MTOR: variants seen among roughly 807,000 people sequenced by gnomAD.
MTOR encodes mechanistic target of rapamycin kinase.
Under a neutral mutation model 319.8 loss-of-function variants are expected in MTOR, and 70 were observed. The observed-to-expected ratio is 0.22, with a 90% CI of 0.18 to 0.27. The LOEUF is 0.27. MTOR is among the 10% of genes least tolerant of loss of function. MTOR has a pLI of 1.00. For missense variants in MTOR, 1,890 were observed against 3,274.4 expected, an observed-to-expected ratio of 0.58 and a Z score of 10.32; for synonymous variants, 1,183 against 1,211.4, an observed-to-expected ratio of 0.98 and a Z score of 0.49.
At chr1:11,258,369 G>T in intron 3 of MTOR, 116 bp downstream of exon 3, 1 of 725,342 alleles carries the variant, frequency 1.4e-6, no homozygotes, top group Non-Finnish European at 2.3e-6. Context: ...AAAAGCCACG[G>T]GCTTCTTAAA....
intron 46 of MTOR, among the ~76,000 whole-genome samples, chr1:11,125,185 G>A (rs899552037): frequency 1.3e-5 from 2 of 152,144 alleles, no homozygotes; most frequent in African/African-American, 4.8e-5. Flanking sequence ...TGTGGGGGTG[G>A]GTGAGGGCTG....
intron 54 of MTOR, among the ~76,000 whole-genome samples, chr1:11,110,386 T>C (rs1390467827): frequency 6.6e-6 from 1 of 152,206 alleles, no homozygotes; most frequent in Non-Finnish European, 1.5e-5. Context: ...ACCTTCTGAA[T>C]GAAGGTAGTG....
intron 28 of MTOR, among the ~76,000 whole-genome samples, chr1:11,183,913 G>A (rs1571094926): frequency 6.6e-6 from 1 of 152,262 alleles, no homozygotes; most frequent in African/African-American, 2.4e-5. Context: ...TAAATCAAGT[G>A]TCTATATCAC....
chr1:11,237,821 G>T, intron 13 of MTOR, 22 bp downstream of exon 13: 11 of 1,613,352 alleles, frequency 6.8e-6, no homozygotes, highest in Non-Finnish European at 9.3e-6. Flanking sequence ...CTGCCTGTGG[G>T]TCTGGCCATC....
chr1:11,126,908 G>A (rs1434869788), intron 45 of MTOR, 102 bp downstream of exon 45: 1 of 1,576,250 alleles, frequency 6.3e-7, no homozygotes, highest in Non-Finnish European at 8.6e-7. Context: ...CAAAGCAGAA[G>A]TAAAACCAGA....
chr1:11,210,625 T>G (rs1219905792), intron 24 of MTOR, among the ~76,000 whole-genome samples, 189 bp downstream of exon 24: 1 of 152,166 alleles, frequency 6.6e-6, no homozygotes, highest in African/African-American at 2.4e-5. Context: ...TGTGTATGGC[T>G]GCTCTCAGGC....
At chr1:11,137,533 C>G (rs1225698557) in intron 36 of MTOR, among the ~76,000 whole-genome samples, 1 of 152,172 alleles carries the variant, frequency 6.6e-6, no homozygotes, top group African/African-American at 2.4e-5. Flanking sequence ...AATTTGTTTT[C>G]TCCATCCCCA....
intron 12 of MTOR, 136 bp downstream of exon 12, chr1:11,238,266 G>A (rs1017691606): frequency 2.2e-5 from 22 of 1,001,332 alleles, no homozygotes; most frequent in Middle Eastern, 3.1e-4. Flanking sequence ...TGCCTAACAC[G>A]CCTTGGCAGA....
chr1:11,222,812 C>T (rs954520063), intron 19 of MTOR, among the ~76,000 whole-genome samples: 22 of 151,918 alleles, frequency 1.4e-4, no homozygotes, highest in Non-Finnish European at 3.1e-4. Context: ...TTTGCAGTCC[C>T]TAATCAAATA....
intron 11 of MTOR, among the ~76,000 whole-genome samples, 159 bp downstream of exon 11, chr1:11,240,144 C>T (rs1274974396): frequency 1.3e-5 from 2 of 152,140 alleles, no homozygotes; most frequent in Non-Finnish European, 2.9e-5. Context: ...TAGGAATTAC[C>T]AATACGTGGA....
intron 1 of MTOR, among the ~76,000 whole-genome samples, chr1:11,259,849 G>A (rs1236857925): frequency 6.6e-6 from 1 of 152,118 alleles, no homozygotes; most frequent in Admixed American, 6.6e-5. Context: ...AGAATCCCTT[G>A]AACCTGGGAG....
intron 19 of MTOR, among the ~76,000 whole-genome samples, chr1:11,219,074 G>T (rs1646572596): frequency 6.6e-6 from 1 of 152,014 alleles, no homozygotes; most frequent in Non-Finnish European, 1.5e-5. Context: ...TATTAGCTGG[G>T]CATAGTGGCA....
chr1:11,140,555 G>C (rs1366386665), intron 34 of MTOR, among the ~76,000 whole-genome samples: 1 of 152,126 alleles, frequency 6.6e-6, no homozygotes, highest in Non-Finnish European at 1.5e-5. Flanking sequence ...CTGCCCTTAG[G>C]GGCGTCTCAG....
chr1:11,256,252 TAC>T (rs905406855), intron 4 of MTOR, 60 bp from the exon 5 acceptor site: 22 of 1,558,104 alleles, frequency 1.4e-5, no homozygotes, highest in Non-Finnish European at 1.4e-5. Flanking sequence ...CTCTCAGGAG[TAC>T]AGTCTCTTGT....
At chr1:11,231,940 G>A (rs1408407865) in intron 16 of MTOR, among the ~76,000 whole-genome samples, 2 of 151,662 alleles carry the variant, frequency 1.3e-5, no homozygotes, top group Non-Finnish European at 2.9e-5. Context: ...GGTTGCTCTC[G>A]CTCTGGAGCT....
intron 30 of MTOR, among the ~76,000 whole-genome samples, chr1:11,152,759 G>A (rs1211791385): frequency 2.6e-5 from 4 of 152,142 alleles, no homozygotes; most frequent in African/African-American, 9.7e-5. Context: ...GGCATATTCA[G>A]GATATACGCA....
intron 53 of MTOR, 48 bp downstream of exon 53, chr1:11,114,270 C>T (rs2100313592): frequency 6.2e-7 from 1 of 1,605,114 alleles, no homozygotes; most frequent in African/African-American, 1.3e-5. Context: ...GTTAGGATTA[C>T]AGGTGTGAGC....
chr1:11,208,480 T>C (rs909155955), intron 25 of MTOR, among the ~76,000 whole-genome samples: 2 of 152,264 alleles, frequency 1.3e-5, no homozygotes, highest in Non-Finnish European at 2.9e-5. Flanking sequence ...GACACAGTCT[T>C]GCCCAGTTCT....
chr1:11,148,471 T>C (rs1002771728), intron 31 of MTOR, among the ~76,000 whole-genome samples: 4 of 152,144 alleles, frequency 2.6e-5, no homozygotes, highest in African/African-American at 2.4e-5. Context: ...TGAGCCCCTA[T>C]TGATTATGCT....
Sources: allele counts gnomAD v4.1 joint callset (sites outside exome capture counted in the v4.1 genomes callset), GRCh38; gene constraint gnomAD v4.1.1; transcripts MANE v1.5; gene names NCBI Gene and HGNC (gene_info 2026-07-23, HGNC 2026-07-21).